RYR3: variants seen among roughly 807,000 people sequenced by gnomAD.
The protein encoded by RYR3 is brain ryanodine receptor-calcium release channel.
In RYR3, 207 loss-of-function variants were observed where a neutral mutation model predicts 584.3. The observed-to-expected ratio is 0.35, with a 90% CI of 0.32 to 0.40. The LOEUF is 0.40. Among genes scored for constraint, RYR3 ranks in the 10% least tolerant of loss-of-function variants. The pLI is 1.00. For synonymous variants in RYR3, 2,416 were observed against 2,248.5 expected (o/e 1.07, Z -2.11); for missense variants, 5,616 against 6,089.2 (o/e 0.92, Z 2.59).
At chr15:33,633,182 T>A in intron 24 of RYR3, 74 bp downstream of exon 24, 1 of 1,509,836 alleles carries the variant, frequency 6.6e-7, no homozygotes, top group Non-Finnish European at 9.1e-7. Context: ...TGCTTTGGTG[T>A]GTGTTAGATC....
At chr15:33,576,475 A>G (rs976073332) in intron 12 of RYR3, among the ~76,000 whole-genome samples, 3 of 152,232 alleles carry the variant, frequency 2.0e-5, no homozygotes, top group Admixed American at 2.0e-4. Context: ...ATGCAAATCA[A>G]TAAACACAAT....
chr15:33,725,818 A>T (rs1190259950), intron 45 of RYR3, among the ~76,000 whole-genome samples: 1 of 150,602 alleles, frequency 6.6e-6, no homozygotes, highest in African/African-American at 2.4e-5. Context: ...AAAATACAAA[A>T]AATTAGCCAG....
At chr15:33,581,458 G>A (rs367742512) in intron 13 of RYR3, 50 bp from the exon 14 acceptor site, 15 of 1,586,932 alleles carry the variant, frequency 9.5e-6, no homozygotes, top group Non-Finnish European at 1.3e-5. Context: ...ATAAGGGACT[G>A]TGCTTTCTTA....
At chr15:33,437,713 T>G (rs2045859190) in intron 1 of RYR3, among the ~76,000 whole-genome samples, 2 of 152,196 alleles carry the variant, frequency 1.3e-5, no homozygotes, top group African/African-American at 4.8e-5. Context: ...TCTTCTCTAA[T>G]ACCACATTAT....
intron 1 of RYR3, among the ~76,000 whole-genome samples, chr15:33,444,146 T>C (rs752883332): frequency 6.6e-6 from 1 of 152,132 alleles, no homozygotes; most frequent in Non-Finnish European, 1.5e-5. Context: ...TTTTCTCCAT[T>C]TCATGGGTTC....
intron 1 of RYR3, among the ~76,000 whole-genome samples, chr15:33,452,088 G>A (rs1233982189): frequency 3.3e-5 from 5 of 152,214 alleles, no homozygotes; most frequent in African/African-American, 7.2e-5. Flanking sequence ...CTGGGGCCAG[G>A]CCATGTGTGT....
intron 64 of RYR3, among the ~76,000 whole-genome samples, chr15:33,777,841 G>A (rs763381935): frequency 2.0e-5 from 3 of 151,868 alleles, no homozygotes; most frequent in Admixed American, 2.0e-4. Flanking sequence ...AAGCCACCTC[G>A]GGACCCCTTG....
intron 57 of RYR3, among the ~76,000 whole-genome samples, chr15:33,754,828 C>T (rs114359302): frequency 0.028 from 4,202 of 152,326 alleles, 184 homozygotes; most frequent in African/African-American, 0.096. Flanking sequence ...GCTTTCCCCT[C>T]AGACATCTCT....
chr15:33,791,461 T>C (rs1413648418), intron 67 of RYR3, among the ~76,000 whole-genome samples: 1 of 151,680 alleles, frequency 6.6e-6, no homozygotes, highest in African/African-American at 2.4e-5. Context: ...CTCAGTGAAG[T>C]AGGAAGCAAG....
At chr15:33,373,042 C>A (rs1399065760) in intron 1 of RYR3, among the ~76,000 whole-genome samples, 1 of 152,182 alleles carries the variant, frequency 6.6e-6, no homozygotes, top group Non-Finnish European at 1.5e-5. Flanking sequence ...ATACTTCTCA[C>A]GTGTCTCTTG....
chr15:33,325,212 C>A (rs985373837), intron 1 of RYR3, among the ~76,000 whole-genome samples: 1 of 152,136 alleles, frequency 6.6e-6, no homozygotes, highest in African/African-American at 2.4e-5. Flanking sequence ...GCTTTTAAAT[C>A]CTATAGTCTG....
chr15:33,766,231 C>T (rs902328504), intron 60 of RYR3, among the ~76,000 whole-genome samples: 5 of 149,644 alleles, frequency 3.3e-5, no homozygotes, highest in African/African-American at 5.0e-5. Flanking sequence ...TGCAGTGAGC[C>T]GAGATGGCAC....
intron 60 of RYR3, among the ~76,000 whole-genome samples, chr15:33,767,898 G>C (rs184431492): frequency 2.0e-5 from 3 of 152,290 alleles, no homozygotes; most frequent in African/African-American, 4.8e-5. Context: ...TTCAGAAACA[G>C]CGATGGACTC....
chr15:33,390,382 A>G lies in RYR3; in HGVS notation c.51+79286A>G, dbSNP rs570343140. On this transcript the variant is annotated intron_variant, in intron 1 of 103. Coordinates refer to ENST00000634891, the MANE Select transcript of RYR3 (RefSeq NM_001036.6). The surrounding 1 kb of genome is among the most constrained non-coding windows in gnomAD (Gnocchi z 4.2). ...ACCTATTGAACACTAATATTTCCAA[A>G]CACTGATATTTCCAAACTGATATTT... 1.3e-5 allele frequency among the ~76,000 whole-genome samples: 2 copies of G among 152,354 alleles called. No homozygotes were observed. The highest frequency in any genetic ancestry group is 2.1e-4 in the South Asian group (1 of 4,830).
At chr15:33,689,392 C>T (rs1448367676) in intron 38 of RYR3, among the ~76,000 whole-genome samples, 1 of 152,066 alleles carries the variant, frequency 6.6e-6, no homozygotes, top group Non-Finnish European at 1.5e-5. Flanking sequence ...CCAAAATTGT[C>T]AGCATTCTCC....
At chr15:33,771,653 C>A (rs959880779) in intron 62 of RYR3, among the ~76,000 whole-genome samples, 3 of 152,100 alleles carry the variant, frequency 2.0e-5, no homozygotes. Flanking sequence ...AGTGGGTGAC[C>A]AATATTGGCT....
intron 14 of RYR3, among the ~76,000 whole-genome samples, chr15:33,582,742 C>G (rs1234930440): frequency 2.0e-5 from 3 of 152,134 alleles, no homozygotes; most frequent in Non-Finnish European, 4.4e-5. Context: ...TTATGCTTAA[C>G]TTCCTTGCTG....
chr15:33,482,331 T>C (rs2050051654), intron 2 of RYR3, among the ~76,000 whole-genome samples: 1 of 152,248 alleles, frequency 6.6e-6, no homozygotes, highest in Admixed American at 6.5e-5. Flanking sequence ...ATCATTCTTC[T>C]ATATGTAACA....
chr15:33,428,419 G>T (rs1293841645), intron 1 of RYR3, among the ~76,000 whole-genome samples: 1 of 152,182 alleles, frequency 6.6e-6, no homozygotes, highest in African/African-American at 2.4e-5. Context: ...GTACTTCGAA[G>T]ATTTTAGTAA....
Sources: allele counts gnomAD v4.1 joint callset (sites outside exome capture counted in the v4.1 genomes callset), GRCh38; gene constraint gnomAD v4.1.1; non-coding constraint Gnocchi (gnomAD v3.1); transcripts MANE v1.5; gene names NCBI Gene and HGNC (gene_info 2026-07-23, HGNC 2026-07-21).